SZT2: variants seen among roughly 807,000 people sequenced by gnomAD.
SZT2 encodes KICSTOR complex protein SZT2.
Under a neutral mutation model 404.2 loss-of-function variants are expected in SZT2, and 216 were observed. The observed-to-expected ratio is 0.53, with a 90% CI of 0.48 to 0.60. The LOEUF is 0.60. SZT2 is among the 20% of genes least tolerant of loss of function. SZT2 has a pLI of 0.00. For synonymous variants in SZT2, 1,693 were observed against 1,749.9 expected, an observed-to-expected ratio of 0.97 and a Z score of 0.81; for missense variants, 3,857 against 4,459.2, an observed-to-expected ratio of 0.86 and a Z score of 3.85.
In SZT2 at chr1:43,438,747, A is replaced by G; in HGVS notation, c.6557A>G (p.Asp2186Gly). 1.2e-6 allele frequency: 2 copies of G among 1,614,064 alleles called. No individual in the cohort carries two copies. The highest frequency in any genetic ancestry group is 1.7e-6 in the Non-Finnish European group (2 of 1,179,986). The change falls in exon 47 of 72, where the codon GAT (aspartate) becomes GGT (glycine). Residue 2186 changes from aspartate (D) to glycine (G), a missense_variant. By Grantham distance (94) the Asp-to-Gly change is moderately conservative. Coordinates refer to ENST00000634258, the MANE Select transcript of SZT2 (RefSeq NM_001365999.1). ...GTGCGAGTTCTATGTCGGCGCCTGG[A>G]TGAGGCCACGCTGGACGTCATCACA... ...ELVRVLCRRL[D>G]EATLDVITVM... is the part of the protein sequence containing the mutation.
At chr1:43,440,866 T>G (rs1247194159) in intron 52 of SZT2, among the ~76,000 whole-genome samples, 1 of 152,166 alleles carries the variant, frequency 6.6e-6, no homozygotes, top group Non-Finnish European at 1.5e-5. Flanking sequence ...AAACACTCTG[T>G]CTCAAAAAAG....
rs144689334 is a variant in SZT2, at chr1:43,425,664, C to T, written c.2814+22C>T. 1,468 of 1,611,892 alleles carry T rather than the reference C, an allele frequency of 9.1e-4. 19 individuals are homozygous for T. The African/African-American group carries it at 0.018, about 20-fold the overall frequency. ...AGCTGTGAGTGTCCTCAGAACAGTA[C>T]CCGCACCTCTCTCACTGGATTGGGG... is the stretch of plus-strand genomic sequence containing the variant. On this transcript the variant is annotated intron_variant, in intron 19 of 71. Coordinates refer to ENST00000634258, the MANE Select transcript of SZT2 (RefSeq NM_001365999.1). The surrounding 1 kb of genome is among the most constrained non-coding windows in gnomAD (Gnocchi z 4.3).
intron 70 of SZT2, chr1:43,449,120 C>G (rs1656062218): frequency 1.4e-5 from 3 of 210,028 alleles, no homozygotes; most frequent in South Asian, 1.6e-4. Context: ...TGCTGAAATG[C>G]AGGCTCTCCG....
At chr1:43,403,938 G>A in intron 3 of SZT2, 164 bp downstream of exon 3, 2 of 763,846 alleles carry the variant, frequency 2.6e-6, no homozygotes, top group Non-Finnish European at 4.2e-6. Flanking sequence ...GGCCAGCTGT[G>A]GTGACTCATG....
At chr1:43,406,233 GC>G in intron 4 of SZT2, 1 of 313,264 alleles carries the variant, frequency 3.2e-6, no homozygotes, top group Non-Finnish European at 6.2e-6. Flanking sequence ...GATTACAGGT[GC>G]CCACTACCAC....
Position 43,428,840 on chromosome 1 carries a change from A to G in SZT2, c.4166+354A>G, listed in dbSNP as rs118045055. 2.0e-3 allele frequency: 502 copies of G among 255,136 alleles called. 2 individuals are homozygous for G. In the East Asian group the frequency reaches 0.027, roughly 14 times the overall value. The allele number at this position is 255,136 out of a possible 1,614,324, so 15.8% of individuals were successfully genotyped here. A position where few individuals can be genotyped will look rare whatever the true frequency, so the allele number is the denominator to read the frequency against. ...ATCTGTGAATTTCATGGGGGCCAAA[A>G]CTGTATTTTGCTCACTGCTAAGTCC... On this transcript the variant is annotated intron_variant, in intron 28 of 71. Coordinates refer to ENST00000634258, the MANE Select transcript of SZT2 (RefSeq NM_001365999.1).
chr1:43,431,645 C>CT (rs1653899033), intron 35 of SZT2, 71 bp from the exon 36 acceptor site: 2 of 1,601,464 alleles, frequency 1.2e-6, no homozygotes, highest in Admixed American at 1.7e-5. Context: ...AAATTATCTT[C>CT]TAGTCCGGGA....
At chr1:43,418,830 A>G (rs1557537914) in intron 7 of SZT2, among the ~76,000 whole-genome samples, 1 of 152,216 alleles carries the variant, frequency 6.6e-6, no homozygotes, top group African/African-American at 2.4e-5. Context: ...AGTCTCAGTG[A>G]GGTCAAAGAG....
intron 1 of SZT2, among the ~76,000 whole-genome samples, chr1:43,396,529 C>T (rs557478926): frequency 1.3e-5 from 2 of 152,304 alleles, no homozygotes; most frequent in East Asian, 3.9e-4. Context: ...AGAAACAACA[C>T]TGAAGTGAAT....
chr1:43,406,230 G>A (rs1012933101), intron 4 of SZT2: 2 of 309,818 alleles, frequency 6.5e-6, no homozygotes, highest in Non-Finnish European at 1.3e-5. Context: ...TGGGATTACA[G>A]GTGCCCACTA....
chr1:43,439,178 A>C lies in SZT2; in HGVS notation c.6792+85A>C. The C allele has an allele frequency of 6.3e-7, 1 of 1,585,764 alleles. No homozygotes were observed. The highest frequency in any genetic ancestry group is 8.6e-7 in the Non-Finnish European group (1 of 1,159,702). ...CTTACTCTTTCCTACCGATACCCCT[A>C]TATGTACCTTTGCCCATGGACCTGG... On this transcript the variant is annotated intron_variant, in intron 48 of 71. Coordinates refer to ENST00000634258, the MANE Select transcript of SZT2 (RefSeq NM_001365999.1). The surrounding 1 kb of genome is among the most constrained non-coding windows in gnomAD (Gnocchi z 4.2).
rs1416472759 is a variant in SZT2 at position 43,441,770 on chromosome 1, T to C, written c.7694T>C (p.Val2565Ala). 5 of 1,614,204 alleles carry C rather than the reference T, an allele frequency of 3.1e-6. No homozygotes were observed. Among genetic ancestry groups the C allele is most frequent in the Non-Finnish European group, 4.2e-6 (5 of 1,180,030 alleles). Residue 2565 changes from valine (V) to alanine (A), a missense_variant, in exon 55 of 72, where the codon GTC (valine) becomes GCC (alanine). Physicochemically the swap from Val to Ala is moderately conservative, Grantham distance 64. Transcript: ENST00000634258. This position sits in a 1 kb window ranked among gnomAD's most constrained non-coding sequence, Gnocchi z 4.8. ...PSILSEFTAL[V>A]TSMAGDTSVR... Reference sequence around the variant, plus strand: ...ATCCTGTCTGAGTTCACCGCACTGGTCACCTCAATGGCTGGAGACACCAGT... The same window carrying C: ...ATCCTGTCTGAGTTCACCGCACTGGCCACCTCAATGGCTGGAGACACCAGT...
At chr1:43,396,871 G>T (rs1339172180) in intron 1 of SZT2, among the ~76,000 whole-genome samples, 1 of 152,140 alleles carries the variant, frequency 6.6e-6, no homozygotes, top group Non-Finnish European at 1.5e-5. Flanking sequence ...GGAAGCAAAG[G>T]AAAAACTCCA....
rs565191088 is a variant in SZT2, at chr1:43,454,145, A to G, written c.*3665A>G. On this transcript the variant is annotated 3_prime_UTR_variant, in exon 72 of 72. Transcript: ENST00000634258. The stretch of plus-strand genomic sequence containing the variant: ...GCCCGGTTGCAATGATGGGACGCGC[A>G]CTTTAATACTGAGTCTTTCCTCTGA... 1.8e-5 allele frequency: 9 copies of G among 506,954 alleles called. No homozygotes were observed. The East Asian group carries it at 7.4e-4, about 42-fold the overall frequency. 31.4% of individuals were successfully genotyped at this position (506,954 alleles called of 1,614,324 possible). A position where few individuals can be genotyped will look rare whatever the true frequency, so the allele number is the denominator to read the frequency against.
At chr1:43,433,807 T>C (rs1176311419) in intron 40 of SZT2, among the ~76,000 whole-genome samples, 3 of 152,178 alleles carry the variant, frequency 2.0e-5, no homozygotes, top group Non-Finnish European at 4.4e-5. Context: ...ATAGCTAATA[T>C]TTATCAAGTG....
At position 43,426,729 on chromosome 1, in the gene SZT2, C is replaced by G. The variant is rs571136058; in HGVS notation, c.3229C>G (p.Leu1077Val). 3 of 1,612,272 alleles carry G rather than the reference C, an allele frequency of 1.9e-6. No individual in the cohort carries two copies. The African/African-American group carries it at 4.0e-5, about 21-fold the overall frequency. ...CCCCATTGTAGGTGCCGAGGGGCCA[C>G]TGCTGGGGGTTCATGGGATCCCGAA... Reference protein sequence around the residue: ...TCHVPGAEGPLLGVHGIPKEQ... With the variant: ...TCHVPGAEGPVLGVHGIPKEQ... Residue 1077 changes from leucine (L) to valine (V), a missense_variant, in exon 23 of 72, where the codon CTG becomes GTG. By Grantham distance (32) the Leu-to-Val change is conservative. Around this residue, in one of 7 missense-constraint regions of SZT2, gnomAD observed 1,725 missense variants for 1,881.0 expected, o/e 0.92. Transcript: ENST00000634258. This position sits in a 1 kb window ranked among gnomAD's most constrained non-coding sequence, Gnocchi z 4.9.
At position 43,452,931 on chromosome 1, in the gene SZT2, A is replaced by G; in HGVS notation, c.*2451A>G. 6.2e-7 allele frequency: 1 copy of G among 1,608,016 alleles called. No individual in the cohort carries two copies. The highest frequency in any genetic ancestry group is 1.1e-5 in the South Asian group (1 of 89,416). ...TCCAGCCTCAGGAACGCTGCCAAATACACCAGGCCTCCTCTTGCCACAGCA... is the reference window on the plus strand; with the variant it reads ...TCCAGCCTCAGGAACGCTGCCAAATGCACCAGGCCTCCTCTTGCCACAGCA... On this transcript the variant is annotated 3_prime_UTR_variant, in exon 72 of 72. Transcript: ENST00000634258.
At position 43,420,974 on chromosome 1, in the gene SZT2, C is replaced by T. The variant is rs781377160; in HGVS notation, c.1487C>T (p.Thr496Met). The change falls in exon 10 of 72, where the codon ACG becomes ATG. Residue 496 changes from threonine to methionine, a missense_variant. By Grantham distance (81) the Thr-to-Met change is moderately conservative (BLOSUM62 -1). Coordinates refer to ENST00000634258, the MANE Select transcript of SZT2 (RefSeq NM_001365999.1). The surrounding 1 kb of genome is among the most constrained non-coding windows in gnomAD (Gnocchi z 5.1). ...CATGTTATCCGGCGTTTCTGGAACA[C>T]GCTGCAGAGGTCAGTGAAGTCATCA... The part of the protein sequence containing the change: ...RTHVIRRFWN[T>M]LQSINQTDQM... 7 of 1,598,312 alleles carry T rather than the reference C, an allele frequency of 4.4e-6. No homozygotes were observed. The highest frequency in any genetic ancestry group is 1.3e-5 in the African/African-American group (1 of 74,916).
Position 43,454,049 on chromosome 1 carries a change from A to C in SZT2, c.*3569A>C. The C allele has an allele frequency of 8.7e-7, 1 of 1,144,930 alleles. No homozygotes were observed. Among genetic ancestry groups the C allele is most frequent in the Non-Finnish European group, 1.1e-6 (1 of 933,180 alleles). 70.9% of individuals were successfully genotyped at this position (1,144,930 alleles called of 1,614,324 possible). A position where few individuals can be genotyped will look rare whatever the true frequency, so the allele number is the denominator to read the frequency against. On this transcript the variant is annotated 3_prime_UTR_variant, in exon 72 of 72. Coordinates refer to ENST00000634258, the MANE Select transcript of SZT2 (RefSeq NM_001365999.1). ...GAAAAGGAGCAGGACCCGCGCCTGG[A>C]GAAGGTAGGGAGGCCGAGCTCCAGG...
Sources: gnomAD v4.1 joint callset for allele counts (sites outside exome capture counted in the v4.1 genomes callset) on GRCh38, gnomAD v4.1.1 for gene constraint, gnomAD v4.1.1 regional missense constraint, Gnocchi (gnomAD v3.1) non-coding constraint, MANE v1.5 for transcripts, NCBI Gene and HGNC (gene_info 2026-07-23, HGNC 2026-07-21) for gene names.